Variants in CCN6 observed in about 807,000 individuals in gnomAD.
CCN6 encodes CCN family member 6.
CCN6 carries 31 observed loss-of-function variants against 37.4 expected under a neutral mutation model. The ratio of observed to expected loss-of-function variants is 0.83; its 90% CI spans 0.62 to 1.12. The LOEUF (loss-of-function observed/expected upper bound fraction) is 1.12, where lower values mean the gene tolerates loss of function less well. Ranked by LOEUF, CCN6 falls within the 50% of genes most tolerant of loss-of-function variation. The pLI, the probability that CCN6 is intolerant of heterozygous loss-of-function variation, is 0.00. For synonymous variants in CCN6, 137 were observed against 142.1 expected (o/e 0.96, Z 0.26); for missense variants, 369 against 413.8 (o/e 0.89, Z 0.94).
At chr6:112,068,454 GC>G in intron 4 of CCN6, 56 bp downstream of exon 4, 1 of 1,486,434 alleles carries the variant, frequency 6.7e-7, no homozygotes, top group South Asian at 1.2e-5. Flanking sequence ...TGAAAAGTAA[GC>G]ATGTGTGTGT....
upstream of CCN6, among the ~76,000 whole-genome samples, chr6:112,053,432 G>A (rs1168273573): frequency 6.6e-6 from 1 of 151,324 alleles, no homozygotes; most frequent in Non-Finnish European, 1.5e-5. Context: ...AAGCAGCTGG[G>A]ATTACAGGCG....
upstream of CCN6, chr6:112,053,989 A>G: frequency 2.3e-6 from 1 of 429,934 alleles, no homozygotes; most frequent in Non-Finnish European, 4.4e-6. Context: ...ATGACGTGGG[A>G]CCCCACCCGT....
At chr6:112,063,278 A>C (rs1014696432) in intron 2 of CCN6, among the ~76,000 whole-genome samples, 25 of 152,180 alleles carry the variant, frequency 1.6e-4, no homozygotes, top group African/African-American at 6.0e-4. Flanking sequence ...TTTTATGTTT[A>C]TTGATATTAT....
chr6:112,059,999 T>A (rs1353166860), intron 1 of CCN6: 9 of 1,362,516 alleles, frequency 6.6e-6, no homozygotes, highest in Non-Finnish European at 8.8e-6. Flanking sequence ...CTAAAGAGAG[T>A]AAAAGAGTGA....
Position 112,069,602 on chromosome 6 carries a change from T to C in CCN6, c.1047T>C (p.Ser349=). The change falls in exon 5 of 5, where the codon TCT becomes TCC. Residue 349 remains serine (S), a synonymous_variant. Coordinates refer to ENST00000368666, the MANE Select transcript of CCN6 (RefSeq NM_198239.2). Reference sequence around the variant, plus strand: ...GCAGAGAACCTGGAGATATATTTTCTGAGCTCAAGATTCTGTAAAACCAAG... The same window carrying C: ...GCAGAGAACCTGGAGATATATTTTCCGAGCTCAAGATTCTGTAAAACCAAG... The part of the protein sequence containing the change: ...RNCREPGDIF[S]ELKIL 1 of 1,613,712 alleles carries C rather than the reference T, an allele frequency of 6.2e-7. No individual in the cohort carries two copies. The highest frequency in any genetic ancestry group is 8.5e-7 in the Non-Finnish European group (1 of 1,179,782).
intron 3 of CCN6, among the ~76,000 whole-genome samples, chr6:112,066,471 T>C (rs1554313996): frequency 6.6e-6 from 1 of 152,194 alleles, no homozygotes; most frequent in African/African-American, 2.4e-5. Context: ...TTGACCTTGG[T>C]TGGGAGAGGC....
chr6:112,059,367 C>A (rs1178105853), intron 1 of CCN6, among the ~76,000 whole-genome samples: 1 of 152,180 alleles, frequency 6.6e-6, no homozygotes, highest in African/African-American at 2.4e-5. Context: ...CAAGCGTTGG[C>A]AGGACTGCCT....
intron 1 of CCN6, 52 bp downstream of exon 1, chr6:112,054,457 G>A (rs1554311421): frequency 6.4e-7 from 1 of 1,570,728 alleles, no homozygotes. Flanking sequence ...GCCATCCTTA[G>A]TTCTTCAGGC....
intron 3 of CCN6, among the ~76,000 whole-genome samples, chr6:112,067,704 A>C (rs587763920): frequency 5.3e-5 from 8 of 152,304 alleles, no homozygotes; most frequent in African/African-American, 1.9e-4. Context: ...GACTAGATTA[A>C]AACAAATGGA....
intron 3 of CCN6, chr6:112,067,123 C>A: frequency 4.1e-6 from 4 of 979,474 alleles, no homozygotes; most frequent in Non-Finnish European, 4.3e-6. Context: ...GTCACAGTAT[C>A]AATTAAAATA....
chr6:112,060,730 C>T (rs1776489184), intron 1 of CCN6, among the ~76,000 whole-genome samples: 1 of 151,922 alleles, frequency 6.6e-6, no homozygotes, highest in Non-Finnish European at 1.5e-5. Flanking sequence ...TGAGAAGAAA[C>T]TGACAAAGGA....
At chr6:112,058,510 C>T (rs77815673) in intron 1 of CCN6, among the ~76,000 whole-genome samples, 3,699 of 152,216 alleles carry the variant, frequency 0.024, 164 homozygotes, top group African/African-American at 0.085. Context: ...GGTGGCTTTA[C>T]GGCTAGTGGA....
rs375824740 is a variant in CCN6, at chr6:112,055,579, CTTTA to C, written c.48+1199_48+1202del. ...TATATGCCAAATACTGTGCTGGGTG[CTTTA>C]TTTATTTATTTATTTATTTATTTAG... is the stretch of plus-strand genomic sequence containing the variant. On this transcript the variant is annotated intron_variant, in intron 1 of 4. Coordinates refer to ENST00000368666, the MANE Select transcript of CCN6 (RefSeq NM_198239.2). Among the ~76,000 whole-genome samples the C allele has an allele frequency of 2.6e-3, 398 of 151,392 alleles. 4 individuals carry two copies. The highest frequency in any genetic ancestry group is 7.6e-3 in the African/African-American group (309 of 40,924).
At chr6:112,053,863 GGT>G (rs1491072942), upstream of CCN6, among the ~76,000 whole-genome samples, 3 of 133,772 alleles carry the variant, frequency 2.2e-5, no homozygotes, top group African/African-American at 5.6e-5. Flanking sequence ...GGGTGCTGTT[GGT>G]GGGGGGGCCA....
intron 3 of CCN6, among the ~76,000 whole-genome samples, chr6:112,065,652 A>G (rs1261326525): frequency 2.0e-5 from 3 of 151,552 alleles, no homozygotes; most frequent in African/African-American, 7.3e-5. Flanking sequence ...ACAAACACAC[A>G]CATGCACACA....
At chr6:112,067,826 A>T (rs1554314359) in intron 3 of CCN6, among the ~76,000 whole-genome samples, 1 of 152,150 alleles carries the variant, frequency 6.6e-6, no homozygotes, top group African/African-American at 2.4e-5. Context: ...CAAATTCCCT[A>T]ATTTTTATTT....
intron 3 of CCN6, 142 bp downstream of exon 3, chr6:112,065,139 T>A: frequency 7.5e-7 from 1 of 1,341,474 alleles, no homozygotes; most frequent in Non-Finnish European, 1.0e-6. Flanking sequence ...TTTTACTTAA[T>A]CTTTGCCTCA....
At chr6:112,056,488 A>G (rs1554311777) in intron 1 of CCN6, among the ~76,000 whole-genome samples, 1 of 151,750 alleles carries the variant, frequency 6.6e-6, no homozygotes, top group African/African-American at 2.4e-5. Context: ...TTCTGTATGT[A>G]ATGCTTCCCC....
intron 1 of CCN6, chr6:112,059,884 A>C (rs1221183975): frequency 6.0e-5 from 72 of 1,192,348 alleles, no homozygotes; most frequent in Non-Finnish European, 7.5e-5. Context: ...TGAAATGTGT[A>C]GGTAATAAGA....
Sources: allele counts gnomAD v4.1 joint callset (sites outside exome capture counted in the v4.1 genomes callset), GRCh38; gene constraint gnomAD v4.1.1; transcripts MANE v1.5; gene names NCBI Gene and HGNC (gene_info 2026-07-23, HGNC 2026-07-21).